PID1: variants seen among roughly 807,000 people sequenced by gnomAD.
PID1 encodes PTB-containing, cubilin and LRP1-interacting protein.
Under a neutral mutation model 19.1 loss-of-function variants are expected in PID1, and 10 were observed. That is an observed-to-expected ratio of 0.52 (90% CI 0.32 to 0.89). The LOEUF is 0.89. PID1 is among the 40% of genes least tolerant of loss of function. The probability of loss-of-function intolerance (pLI) is 0.03; values close to 1 mark genes in which losing one functional copy is unlikely to be tolerated. For synonymous variants in PID1, 130 were observed against 116.0 expected (o/e 1.12, Z -0.78); for missense variants, 248 against 285.3 (o/e 0.87, Z 0.94).
At chr2:229,183,318 C>T (rs569346905) in intron 1 of PID1, among the ~76,000 whole-genome samples, 15 of 152,324 alleles carry the variant, frequency 9.8e-5, no homozygotes, top group Admixed American at 2.6e-4. Flanking sequence ...ATGGGACTTC[C>T]AGCCTCCCAA....
intron 2 of PID1, among the ~76,000 whole-genome samples, chr2:229,052,517 T>C (rs919755513): frequency 1.3e-5 from 2 of 151,440 alleles, no homozygotes; most frequent in African/African-American, 4.9e-5. Flanking sequence ...TCCACCTAAC[T>C]GTTATTTTTG....
intron 2 of PID1, among the ~76,000 whole-genome samples, chr2:229,134,384 C>T (rs1327511033): frequency 4.2e-5 from 6 of 142,534 alleles, no homozygotes; most frequent in South Asian, 2.4e-4. Context: ...GGGCTACAGG[C>T]GCCTGTCACC....
In PID1 at chr2:229,198,215, A is replaced by T. The variant is rs537571292; in HGVS notation, c.31-42251T>A. Among the ~76,000 whole-genome samples, 16 of 152,194 alleles carry T rather than the reference A, an allele frequency of 1.1e-4. No individual in the cohort carries two copies. The East Asian group carries it at 3.1e-3, about 29-fold the overall frequency. Reference sequence around the variant, plus strand: ...AGAAAGATACAAAACAAAACACGTGAGGTTTTTGCACAGACTTCATAATTT... The same window carrying T: ...AGAAAGATACAAAACAAAACACGTGTGGTTTTTGCACAGACTTCATAATTT... On this transcript the variant is annotated intron_variant, in intron 1 of 2. Transcript: ENST00000392055.
intron 2 of PID1, among the ~76,000 whole-genome samples, chr2:229,088,947 T>C (rs1045613070): frequency 1.3e-5 from 2 of 152,150 alleles, no homozygotes; most frequent in Non-Finnish European, 2.9e-5. Context: ...TTGCAAAGTA[T>C]TGCTGGTGAC....
intron 1 of PID1, among the ~76,000 whole-genome samples, chr2:229,175,516 C>T (rs1450685018): frequency 1.3e-5 from 2 of 152,202 alleles, no homozygotes; most frequent in Non-Finnish European, 1.5e-5. Context: ...CCCTGAACAA[C>T]ATTTTTGTAT....
intron 1 of PID1, among the ~76,000 whole-genome samples, chr2:229,172,111 C>T (rs144133347): frequency 8.7e-4 from 133 of 152,246 alleles, no homozygotes; most frequent in African/African-American, 3.0e-3. Flanking sequence ...GGCTCCTTCC[C>T]GCCAGATCCT....
intron 2 of PID1, among the ~76,000 whole-genome samples, chr2:229,115,540 T>A (rs1351910394): frequency 6.6e-6 from 1 of 152,070 alleles, no homozygotes; most frequent in Non-Finnish European, 1.5e-5. Flanking sequence ...AAAGCAGAAT[T>A]TAAGTAGAGG....
chr2:229,231,915 G>A lies in PID1; in HGVS notation c.30+39099C>T, dbSNP rs759627680. On this transcript the variant is annotated intron_variant, in intron 1 of 2. Transcript: ENST00000392055. ...TAATTTATAAAAAAAAACAGAAATT[G>A]ATTTTCTCACCGTTCCGGAGGCTAG... The A allele has an allele frequency of 1.6e-4, 246 of 1,550,050 alleles. 1 individual carries two copies. The highest frequency in any genetic ancestry group is 5.3e-4 in the Admixed American group (27 of 50,972).
intron 1 of PID1, among the ~76,000 whole-genome samples, chr2:229,182,906 C>T (rs144621243): frequency 1.2e-4 from 19 of 152,344 alleles, no homozygotes; most frequent in African/African-American, 4.3e-4. Flanking sequence ...TTAATGCACT[C>T]ATTTACATGA....
intron 2 of PID1, among the ~76,000 whole-genome samples, chr2:229,128,216 G>A (rs1319058926): frequency 6.6e-6 from 1 of 152,196 alleles, no homozygotes; most frequent in Non-Finnish European, 1.5e-5. Context: ...GAAAAAAGAT[G>A]ACATTTGCAA....
At chr2:229,141,062 G>A (rs2106180458) in intron 2 of PID1, among the ~76,000 whole-genome samples, 2 of 151,954 alleles carry the variant, frequency 1.3e-5, no homozygotes, top group African/African-American at 2.4e-5. Context: ...TATCTATGTG[G>A]CAGGATGACT....
intron 1 of PID1, among the ~76,000 whole-genome samples, chr2:229,231,564 T>C (rs1293382341): frequency 6.6e-6 from 1 of 152,162 alleles, no homozygotes; most frequent in African/African-American, 2.4e-5. Context: ...GTGACGACGA[T>C]AGAGCCCAGG....
chr2:229,073,679 C>T (rs912801813), intron 2 of PID1, among the ~76,000 whole-genome samples: 3 of 152,152 alleles, frequency 2.0e-5, no homozygotes, highest in African/African-American at 7.2e-5. Flanking sequence ...AATCAGTAAA[C>T]ATTATTACAG....
chr2:229,057,368 G>C (rs893526854), intron 2 of PID1, among the ~76,000 whole-genome samples: 1 of 151,440 alleles, frequency 6.6e-6, no homozygotes, highest in Non-Finnish European at 1.5e-5. Flanking sequence ...AGGCCGGAGA[G>C]TCGCTTGAAT....
intron 1 of PID1, chr2:229,231,782 T>C (rs1286837241): frequency 2.2e-6 from 3 of 1,343,718 alleles, no homozygotes; most frequent in Non-Finnish European, 3.0e-6. Flanking sequence ...TGTGTCTCAA[T>C]AGTCCAGATG....
chr2:229,139,115 G>GAAAGAAAGAAAGAGAAAGAA (rs1210728895), intron 2 of PID1, among the ~76,000 whole-genome samples: 4 of 48,064 alleles, frequency 8.3e-5, no homozygotes, highest in Admixed American at 3.9e-4. Context: ...AAGAAAGAAA[G>GAAAGAAAGAAAGAGAAAGAA]AGAAAGAAAG....
intron 2 of PID1, among the ~76,000 whole-genome samples, chr2:229,058,347 C>T (rs1485507360): frequency 6.6e-6 from 1 of 152,112 alleles, no homozygotes; most frequent in Non-Finnish European, 1.5e-5. Flanking sequence ...AATGGTCTTC[C>T]TCTGTTTGTT....
At chr2:229,220,752 T>C (rs1225942522) in intron 1 of PID1, among the ~76,000 whole-genome samples, 2 of 152,212 alleles carry the variant, frequency 1.3e-5, no homozygotes, top group Admixed American at 1.3e-4. Context: ...TTGTTACAGG[T>C]TTTTATTCCC....
chr2:229,056,742 A>G (rs187564223), intron 2 of PID1, among the ~76,000 whole-genome samples: 78 of 152,138 alleles, frequency 5.1e-4, no homozygotes, highest in African/African-American at 1.7e-3. Flanking sequence ...GCGAAAATCA[A>G]TTTCCAGGGT....
Sources: allele counts gnomAD v4.1 joint callset (sites outside exome capture counted in the v4.1 genomes callset), GRCh38; gene constraint gnomAD v4.1.1; transcripts MANE v1.5; gene names NCBI Gene and HGNC (gene_info 2026-07-23, HGNC 2026-07-21).